CHD1L: variants seen among roughly 807,000 people sequenced by gnomAD.
CHD1L encodes ATP-dependent chromatin remodeler CHD1L.
In CHD1L, 118 loss-of-function variants were observed where a neutral mutation model predicts 115.9. That is an observed-to-expected ratio of 1.02 (90% CI 0.88 to 1.19). The LOEUF is 1.19. Ranked by LOEUF, CHD1L falls within the 50% of genes most tolerant of loss-of-function variation. The pLI, the probability that CHD1L is intolerant of heterozygous loss-of-function variation, is 0.00. For synonymous variants in CHD1L, 411 were observed against 387.1 expected, an observed-to-expected ratio of 1.06 and a Z score of -0.72; for missense variants, 1,179 against 1,065.3, an observed-to-expected ratio of 1.11 and a Z score of -1.49.
chr1:147,263,792 A>T (rs1162819556), intron 6 of CHD1L, among the ~76,000 whole-genome samples: 2 of 152,120 alleles, frequency 1.3e-5, no homozygotes, highest in Non-Finnish European at 2.9e-5. Flanking sequence ...TGATCACCAG[A>T]AACATCCAGA....
At chr1:147,192,688 C>T in the CHD1L span, among the ~76,000 whole-genome samples, 4 of 152,082 alleles carry the variant, frequency 2.6e-5, no homozygotes, top group Admixed American at 6.5e-5. Flanking sequence ...TACATCCCAT[C>T]GATACCTAAT....
chr1:147,293,188 T>C (rs984938557), intron 20 of CHD1L, among the ~76,000 whole-genome samples: 27 of 152,214 alleles, frequency 1.8e-4, no homozygotes, highest in African/African-American at 5.5e-4. Context: ...CTCATGGGAA[T>C]TGTTCGAACA....
At chr1:147,241,475 C>T (rs587706082), upstream of CHD1L, among the ~76,000 whole-genome samples, 1 of 152,204 alleles carries the variant, frequency 6.6e-6, no homozygotes, top group African/African-American at 2.4e-5. Flanking sequence ...ATAAAACGAC[C>T]CCACCCCTAT....
At chr1:147,245,913 A>G (rs1228843655) in intron 1 of CHD1L, among the ~76,000 whole-genome samples, 2 of 152,162 alleles carry the variant, frequency 1.3e-5, no homozygotes, top group East Asian at 1.9e-4. Flanking sequence ...AATGTGGCAC[A>G]TTATCACATT....
chr1:147,185,910 A>C, the CHD1L span, among the ~76,000 whole-genome samples: 1 of 152,212 alleles, frequency 6.6e-6, no homozygotes, highest in Non-Finnish European at 1.5e-5. Context: ...ACTTTACGAC[A>C]TGAGAAAAAC....
chr1:147,212,428 C>G, the CHD1L span: 26 of 1,613,946 alleles, frequency 1.6e-5, no homozygotes, highest in African/African-American at 4.0e-5. Context: ...ACAGCCAGAT[C>G]CCCTCCAGAA....
At chr1:147,251,615 G>A (rs1553936390) in intron 1 of CHD1L, among the ~76,000 whole-genome samples, 1 of 151,910 alleles carries the variant, frequency 6.6e-6, no homozygotes, top group Non-Finnish European at 1.5e-5. Flanking sequence ...TACAACCTCC[G>A]CCTCCCGGGT....
Position 147,252,519 on chromosome 1 carries a change from G to A in CHD1L, c.128-104G>A, listed in dbSNP as rs1435731694. 3 of 833,090 alleles carry A rather than the reference G, an allele frequency of 3.6e-6. No individual in the cohort carries two copies. In the East Asian group the frequency reaches 7.5e-5, roughly 21 times the overall value. 51.6% of individuals were successfully genotyped at this position (833,090 alleles called of 1,614,324 possible). On this transcript the variant is annotated intron_variant, in intron 1 of 22. Transcript: ENST00000369258. ...AAAGATACGTCCAGTGAGGTTTAGG[G>A]TTATGTGAATTTAGGCTGTGTTCCT...
intron 1 of CHD1L, 23 bp downstream of exon 1, chr1:147,242,853 T>G: frequency 7.9e-7 from 1 of 1,269,036 alleles, no homozygotes; most frequent in South Asian, 3.8e-5. Context: ...CGGGCGGACT[T>G]CGGCCAGGCG....
chr1:147,201,730 A>T, the CHD1L span, among the ~76,000 whole-genome samples: 2 of 152,138 alleles, frequency 1.3e-5, no homozygotes, highest in Non-Finnish European at 2.9e-5. Context: ...GGAGGAGTGA[A>T]GGAAGAGTGT....
the CHD1L span, among the ~76,000 whole-genome samples, chr1:147,228,387 A>T: frequency 1.3e-5 from 2 of 151,940 alleles, no homozygotes; most frequent in East Asian, 3.9e-4. Flanking sequence ...TATGTGCCAC[A>T]TTTTCTTAAT....
At chr1:147,214,135 A>G in the CHD1L span, among the ~76,000 whole-genome samples, 5 of 152,180 alleles carry the variant, frequency 3.3e-5, no homozygotes, top group Non-Finnish European at 7.4e-5. Flanking sequence ...GCCCATGACC[A>G]TAATGTCTTC....
chr1:147,266,922 A>G (rs1553948844), intron 8 of CHD1L, among the ~76,000 whole-genome samples: 1 of 152,224 alleles, frequency 6.6e-6, no homozygotes, highest in African/African-American at 2.4e-5. Flanking sequence ...GTATGTATGT[A>G]TGGGAAAAAA....
chr1:147,291,389 C>A, intron 19 of CHD1L, 93 bp from the exon 20 acceptor site: 1 of 1,117,992 alleles, frequency 8.9e-7, no homozygotes, highest in Non-Finnish European at 1.4e-6. Flanking sequence ...GGTCCTGAAA[C>A]CCAACTGAAT....
chr1:147,282,285 C>T (rs1404462744), intron 15 of CHD1L, among the ~76,000 whole-genome samples: 1 of 152,150 alleles, frequency 6.6e-6, no homozygotes, highest in Non-Finnish European at 1.5e-5. Context: ...TAGTATTTTC[C>T]CTGGGAGAGG....
At chr1:147,263,032 TATAC>T (rs1672527576) in intron 6 of CHD1L, among the ~76,000 whole-genome samples, 3 of 152,172 alleles carry the variant, frequency 2.0e-5, no homozygotes, top group Non-Finnish European at 2.9e-5. Flanking sequence ...TATATACGTG[TATAC>T]ATACATGTAT....
chr1:147,242,274 A>G (rs1664982345), upstream of CHD1L, among the ~76,000 whole-genome samples: 1 of 152,342 alleles, frequency 6.6e-6, no homozygotes. Flanking sequence ...ACCGAACAAG[A>G]ACAGTTTGAT....
At chr1:147,227,403 C>T in the CHD1L span, among the ~76,000 whole-genome samples, 24 of 152,188 alleles carry the variant, frequency 1.6e-4, no homozygotes, top group African/African-American at 5.5e-4. Context: ...GCAAGAATTA[C>T]TTTTAAAATG....
the CHD1L span, among the ~76,000 whole-genome samples, chr1:147,176,700 A>G: frequency 6.6e-6 from 1 of 152,208 alleles, no homozygotes; most frequent in Non-Finnish European, 1.5e-5. Flanking sequence ...TAGTATCTCA[A>G]CATCTTCATT....
Sources: gnomAD v4.1 joint callset for allele counts (sites outside exome capture counted in the v4.1 genomes callset) on GRCh38, gnomAD v4.1.1 for gene constraint, MANE v1.5 for transcripts, NCBI Gene and HGNC (gene_info 2026-07-23, HGNC 2026-07-21) for gene names.